The following CSNK2A2IP variants were observed in gnomAD, a reference collection of about 807,000 sequenced individuals.
CSNK2A2IP encodes the protein casein kinase 2 subunit alpha' interacting protein.
the CSNK2A2IP span, among the ~76,000 whole-genome samples, chr3:88,397,248 G>A: frequency 6.6e-6 from 1 of 152,164 alleles, no homozygotes; most frequent in African/African-American, 2.4e-5. Context: ...TACTTCAAGT[G>A]TATTTCAGCT....
At chr3:88,403,067 T>G in the CSNK2A2IP span, among the ~76,000 whole-genome samples, 14 of 152,140 alleles carry the variant, frequency 9.2e-5, no homozygotes, top group African/African-American at 3.1e-4. Flanking sequence ...TTGGCTTATT[T>G]TTTGTGGTTC....
At chr3:88,461,483 G>T in the CSNK2A2IP span, among the ~76,000 whole-genome samples, 4 of 152,146 alleles carry the variant, frequency 2.6e-5, no homozygotes, top group African/African-American at 9.7e-5. Context: ...AACCTGGGAG[G>T]CGGAGCTTGC....
chr3:88,352,712 C>T, the CSNK2A2IP span, among the ~76,000 whole-genome samples: 76 of 151,988 alleles, frequency 5.0e-4, 1 homozygote, highest in East Asian at 7.8e-3. Context: ...TTGAGTAGCC[C>T]GGACCACAGG....
the CSNK2A2IP span, among the ~76,000 whole-genome samples, chr3:88,462,999 T>C: frequency 1.3e-5 from 2 of 152,196 alleles, no homozygotes; most frequent in African/African-American, 2.4e-5. Context: ...TAATAAGATA[T>C]ACTTTAAAAA....
chr3:88,397,362 A>C, the CSNK2A2IP span, among the ~76,000 whole-genome samples: 1 of 152,134 alleles, frequency 6.6e-6, no homozygotes, highest in Non-Finnish European at 1.5e-5. Flanking sequence ...TACCTTTACA[A>C]TAGTATACTT....
chr3:88,454,225 T>A, the CSNK2A2IP span, among the ~76,000 whole-genome samples: 242 of 152,116 alleles, frequency 1.6e-3, 3 homozygotes, highest in African/African-American at 5.6e-3. Context: ...CCATTCCAAA[T>A]CATCTTTGGA....
the CSNK2A2IP span, among the ~76,000 whole-genome samples, chr3:88,451,684 CTG>C: frequency 6.6e-6 from 1 of 150,604 alleles, no homozygotes; most frequent in Non-Finnish European, 1.5e-5. Context: ...TTCCTTCCAA[CTG>C]TGAGTTAAAA....
At chr3:88,458,194 A>C in the CSNK2A2IP span, among the ~76,000 whole-genome samples, 2 of 113,226 alleles carry the variant, frequency 1.8e-5, no homozygotes, top group Admixed American at 1.4e-4. Flanking sequence ...TCTGTCACCC[A>C]GGCTTGAGTG....
chr3:88,459,145 C>T, the CSNK2A2IP span, among the ~76,000 whole-genome samples: 1 of 152,094 alleles, frequency 6.6e-6, no homozygotes, highest in Non-Finnish European at 1.5e-5. Flanking sequence ...TAGCAAGGAG[C>T]ATCTGTGCAT....
At chr3:88,459,788 AC>A in the CSNK2A2IP span, among the ~76,000 whole-genome samples, 1 of 152,122 alleles carries the variant, frequency 6.6e-6, no homozygotes, top group Non-Finnish European at 1.5e-5. Flanking sequence ...AGTGTTTAAA[AC>A]ATCTATTAAG....
At chr3:88,396,348 G>A in the CSNK2A2IP span, among the ~76,000 whole-genome samples, 1 of 151,740 alleles carries the variant, frequency 6.6e-6, no homozygotes, top group East Asian at 1.9e-4. Flanking sequence ...CTCGTGATCC[G>A]CCCGCCTCGG....
At chr3:88,419,985 T>C in the CSNK2A2IP span, among the ~76,000 whole-genome samples, 7 of 152,316 alleles carry the variant, frequency 4.6e-5, no homozygotes, top group African/African-American at 1.7e-4. Context: ...TTCACACTCC[T>C]ATTCCCACCA....
chr3:88,382,408 G>A, the CSNK2A2IP span, among the ~76,000 whole-genome samples: 2 of 152,062 alleles, frequency 1.3e-5, no homozygotes, highest in Admixed American at 6.5e-5. Flanking sequence ...CAATAGATGG[G>A]GCTTAATTAA....
chr3:88,466,401 T>C, the CSNK2A2IP span: 1 of 1,231,876 alleles, frequency 8.1e-7, no homozygotes. Flanking sequence ...AGAATACCAC[T>C]TCACCAAATG....
At chr3:88,346,771 T>C in the CSNK2A2IP span, among the ~76,000 whole-genome samples, 2 of 151,608 alleles carry the variant, frequency 1.3e-5, no homozygotes, top group South Asian at 4.1e-4. Context: ...AGGAGATTAA[T>C]GTTGTTAAGC....
At chr3:88,382,608 C>T in the CSNK2A2IP span, 2 of 151,976 alleles carry the variant, frequency 1.3e-5, no homozygotes, top group African/African-American at 4.8e-5. Flanking sequence ...CTTCTTTTTC[C>T]ATCAAGAAAA....
the CSNK2A2IP span, among the ~76,000 whole-genome samples, chr3:88,404,472 C>A: frequency 6.6e-6 from 1 of 152,038 alleles, no homozygotes; most frequent in African/African-American, 2.4e-5. Context: ...TAGCCCAGGC[C>A]CAATTGGAAT....
the CSNK2A2IP span, among the ~76,000 whole-genome samples, chr3:88,410,302 G>C: frequency 2.6e-5 from 4 of 151,982 alleles, no homozygotes; most frequent in Admixed American, 2.6e-4. Context: ...TTTTTTTATA[G>C]AGTGATTTAT....
chr3:88,398,216 T>C, the CSNK2A2IP span, among the ~76,000 whole-genome samples: 3 of 152,138 alleles, frequency 2.0e-5, no homozygotes. Context: ...AAAATGTCTA[T>C]GGAAGATGAA....
Sources: allele counts gnomAD v4.1 joint callset (sites outside exome capture counted in the v4.1 genomes callset), GRCh38; gene constraint gnomAD v4.1.1; transcripts MANE v1.5; gene names NCBI Gene and HGNC (gene_info 2026-07-23, HGNC 2026-07-21).